PPM1D: variants seen among roughly 807,000 people sequenced by gnomAD.
PPM1D encodes the protein protein phosphatase, Mg2+/Mn2+ dependent 1D.
A neutral mutation model predicts 58.3 loss-of-function variants in PPM1D; 52 were observed. The ratio of observed to expected loss-of-function variants is 0.89; its 90% CI spans 0.71 to 1.12. The LOEUF is 1.12. Ranked by LOEUF, PPM1D falls within the 50% of genes most tolerant of loss-of-function variation. PPM1D has a pLI of 0.00. For synonymous variants in PPM1D, 278 were observed against 285.1 expected, an observed-to-expected ratio of 0.98 and a Z score of 0.25; for missense variants, 564 against 777.2, an observed-to-expected ratio of 0.73 and a Z score of 3.26.
intron 4 of PPM1D, among the ~76,000 whole-genome samples, chr17:60,649,947 ACT>A (rs1356287749): frequency 6.6e-6 from 1 of 152,024 alleles, no homozygotes; most frequent in Admixed American, 6.6e-5. Flanking sequence ...TAACATAAAG[ACT>A]CTTCTGTCTA....
chr17:60,625,714 A>G (rs2030792424), intron 2 of PPM1D, among the ~76,000 whole-genome samples: 1 of 152,198 alleles, frequency 6.6e-6, no homozygotes, highest in Admixed American at 6.5e-5. Context: ...ATGATAGAGG[A>G]AAATGTTTAT....
chr17:60,641,769 A>G (rs916405377), intron 3 of PPM1D, among the ~76,000 whole-genome samples: 1 of 152,224 alleles, frequency 6.6e-6, no homozygotes, highest in African/African-American at 2.4e-5. Context: ...AGAATGGATT[A>G]GAGGGGGTAA....
At chr17:60,609,045 C>T (rs1161867758) in intron 1 of PPM1D, among the ~76,000 whole-genome samples, 3 of 151,800 alleles carry the variant, frequency 2.0e-5, no homozygotes, top group East Asian at 1.9e-4. Context: ...CCGCGCCCGG[C>T]CTTTATTATG....
chr17:60,660,588 C>T (rs922769600), intron 5 of PPM1D, among the ~76,000 whole-genome samples: 17 of 151,844 alleles, frequency 1.1e-4, no homozygotes, highest in Non-Finnish European at 2.4e-4. Flanking sequence ...TGGTGAAACC[C>T]CATCTCTACT....
intron 1 of PPM1D, among the ~76,000 whole-genome samples, chr17:60,620,356 T>A (rs1409864129): frequency 6.6e-6 from 1 of 152,134 alleles, no homozygotes; most frequent in African/African-American, 2.4e-5. Context: ...GTTGTATGAT[T>A]TCCTTATATA....
At chr17:60,640,994 A>G (rs1372382938) in intron 3 of PPM1D, among the ~76,000 whole-genome samples, 1 of 151,046 alleles carries the variant, frequency 6.6e-6, no homozygotes, top group Non-Finnish European at 1.5e-5. Flanking sequence ...TTCTTTATGC[A>G]TTTCACTTTT....
Position 60,600,732 on chromosome 17 carries a change from G to T in PPM1D, c.318G>T (p.Gly106=), listed in dbSNP as rs775943387. Residue 106 remains glycine (G), a synonymous_variant, in exon 1 of 6, where the codon GGG becomes GGT. Coordinates refer to ENST00000305921, the MANE Select transcript of PPM1D (RefSeq NM_003620.4). ...SSVAFFAVCD[G]HGGREAAQFA... The stretch of plus-strand genomic sequence containing the variant: ...TGGCCTTTTTCGCCGTGTGCGACGG[G>T]CACGGCGGGCGGGAGGCGGCACAGT... 4 of 1,610,508 alleles carry T rather than the reference G, an allele frequency of 2.5e-6. No individual in the cohort carries two copies. In the African/African-American group the frequency reaches 5.4e-5, roughly 22 times the overall value.
At chr17:60,616,101 G>C (rs1052576992) in intron 1 of PPM1D, among the ~76,000 whole-genome samples, 4 of 151,946 alleles carry the variant, frequency 2.6e-5, no homozygotes, top group Admixed American at 2.0e-4. Context: ...TGCCTCCCAA[G>C]CTCAAGTGAT....
chr17:60,641,376 C>T (rs952172892), intron 3 of PPM1D, among the ~76,000 whole-genome samples: 10 of 152,026 alleles, frequency 6.6e-5, no homozygotes, highest in African/African-American at 1.9e-4. Context: ...GATTCTTGGC[C>T]GTTTGCATGT....
chr17:60,608,873 G>A (rs1213272540), intron 1 of PPM1D, among the ~76,000 whole-genome samples: 2 of 143,136 alleles, frequency 1.4e-5, no homozygotes, highest in Non-Finnish European at 3.1e-5. Context: ...TCAGCCTCCC[G>A]AGTGGCTGGG....
At chr17:60,601,118 C>T (rs906520345) in intron 1 of PPM1D, among the ~76,000 whole-genome samples, 1 of 152,212 alleles carries the variant, frequency 6.6e-6, no homozygotes, top group East Asian at 1.9e-4. Flanking sequence ...TTATTTCCAT[C>T]CTCCAAGGAT....
chr17:60,647,536 A>T (rs192441539), intron 3 of PPM1D, among the ~76,000 whole-genome samples: 1 of 152,182 alleles, frequency 6.6e-6, no homozygotes. Flanking sequence ...TCCATTTTGT[A>T]TATACTTTAT....
intron 1 of PPM1D, 82 bp downstream of exon 1, chr17:60,600,968 C>A: frequency 6.3e-7 from 1 of 1,578,734 alleles, no homozygotes; most frequent in South Asian, 1.1e-5. Context: ...CGTGGGCCCC[C>A]GGCACCCAGA....
intron 1 of PPM1D, among the ~76,000 whole-genome samples, chr17:60,621,123 A>C (rs986666439): frequency 1.3e-5 from 2 of 151,308 alleles, no homozygotes; most frequent in Non-Finnish European, 2.9e-5. Flanking sequence ...GGGTTTCATC[A>C]TGTTGGCCAG....
chr17:60,663,548 G>A lies in PPM1D; in HGVS notation c.1814G>A (p.Cys605Tyr), dbSNP rs770363461. The change falls in exon 6 of 6, where the codon TGC becomes TAC. Residue 605 changes from cysteine to tyrosine, a missense_variant. Around this residue, in one of 7 missense-constraint regions of PPM1D, gnomAD observed 261 missense variants for 270.1 expected, o/e 0.97. Coordinates refer to ENST00000305921, the MANE Select transcript of PPM1D (RefSeq NM_003620.4). ...LHQHRKTVCVC is the reference protein window; with the variant it reads ...LHQHRKTVCVY ...CAACACAGGAAAACTGTTTGTGTTT[G>A]CTGAAATGCATCTGGGAAATGAGGT... 20 of 1,603,944 alleles carry A rather than the reference G, an allele frequency of 1.2e-5. No individual in the cohort carries two copies. Among genetic ancestry groups the A allele is most frequent in the Non-Finnish European group, 1.7e-5 (20 of 1,177,536 alleles).
In PPM1D at chr17:60,600,246, C is replaced by T. The variant is rs554142906; in HGVS notation, c.-169C>T. 1.2e-4 allele frequency: 166 copies of T among 1,335,264 alleles called. 1 individual carries two copies. The Middle Eastern group carries it at 1.9e-3, about 15-fold the overall frequency. The allele number at this position is 1,335,264 out of a possible 1,614,324, so 82.7% of individuals were successfully genotyped here. ...CTCGCTCCGGCGCTCCGGCCCAGCT[C>T]TCGCGGACAAGTCCAGACATCGCGC... On this transcript the variant is annotated 5_prime_UTR_variant, in exon 1 of 6. Coordinates refer to ENST00000305921, the MANE Select transcript of PPM1D (RefSeq NM_003620.4).
chr17:60,617,801 T>A (rs777325800), intron 1 of PPM1D, among the ~76,000 whole-genome samples: 3 of 152,062 alleles, frequency 2.0e-5, no homozygotes, highest in Non-Finnish European at 4.4e-5. Context: ...ATAGAAAAGG[T>A]CATAAAACAT....
chr17:60,626,194 AT>A (rs1933367086), intron 2 of PPM1D, among the ~76,000 whole-genome samples: 1 of 152,142 alleles, frequency 6.6e-6, no homozygotes, highest in Admixed American at 6.6e-5. Context: ...TTGTAGGATC[AT>A]TTCCTAAAAG....
Position 60,651,460 on chromosome 17 carries a change from C to T in PPM1D, c.1017+3378C>T, listed in dbSNP as rs533402133. On this transcript the variant is annotated intron_variant, in intron 4 of 5. Transcript: ENST00000305921. ...GTTGCCAGGCTGGAGTGCAGTGGCG[C>T]GATCTCAGCTCACTGCAACCTCTGC... 8.7e-5 allele frequency among the ~76,000 whole-genome samples: 13 copies of T among 150,154 alleles called. No homozygotes were observed. The East Asian group carries it at 1.6e-3, about 18-fold the overall frequency.
Sources: gnomAD v4.1 joint callset for allele counts (sites outside exome capture counted in the v4.1 genomes callset) on GRCh38, gnomAD v4.1.1 for gene constraint, gnomAD v4.1.1 regional missense constraint, MANE v1.5 for transcripts, NCBI Gene and HGNC (gene_info 2026-07-23, HGNC 2026-07-21) for gene names.